The following UNC13C variants were observed in gnomAD, a reference collection of about 807,000 sequenced individuals.
UNC13C encodes the protein unc-13 homolog C.
UNC13C carries 174 observed loss-of-function variants against 245.4 expected under a neutral mutation model. The ratio of observed to expected loss-of-function variants is 0.71; its 90% confidence interval spans 0.63 to 0.80. The LOEUF (loss-of-function observed/expected upper bound fraction) is 0.80, where lower values mean the gene tolerates loss of function less well. UNC13C is among the 30% of genes least tolerant of loss of function. The pLI is 0.00. For synonymous variants in UNC13C, 992 were observed against 895.1 expected (o/e 1.11, Z -1.93); for missense variants, 2,829 against 2,602.9 (o/e 1.09, Z -1.89).
At chr15:53,851,314 A>G in the UNC13C span, among the ~76,000 whole-genome samples, 1 of 152,094 alleles carries the variant, frequency 6.6e-6, no homozygotes, top group South Asian at 2.1e-4. Flanking sequence ...AGTGAGGTTA[A>G]CTCATTATCA....
chr15:53,867,230 T>C, the UNC13C span, among the ~76,000 whole-genome samples: 2 of 151,816 alleles, frequency 1.3e-5, no homozygotes, highest in African/African-American at 2.4e-5. Flanking sequence ...ATACTGGAGG[T>C]CAAGGAATAC....
chr15:54,596,154 C>T (rs1899070311), intron 30 of UNC13C, among the ~76,000 whole-genome samples: 1 of 152,070 alleles, frequency 6.6e-6, no homozygotes, highest in Non-Finnish European at 1.5e-5. Flanking sequence ...AGGTTCAAAC[C>T]AGAAATGTGT....
intron 26 of UNC13C, among the ~76,000 whole-genome samples, chr15:54,543,284 A>G (rs1211616293): frequency 6.6e-6 from 1 of 152,150 alleles, no homozygotes; most frequent in East Asian, 1.9e-4. Context: ...AATCTCTGGG[A>G]CACAGCTAAA....
At chr15:54,455,485 A>G (rs770785513) in intron 19 of UNC13C, among the ~76,000 whole-genome samples, 2 of 149,716 alleles carry the variant, frequency 1.3e-5, no homozygotes, top group Non-Finnish European at 3.0e-5. Context: ...CTAGCAGTGT[A>G]AAAGTGTTCC....
intron 1 of UNC13C, among the ~76,000 whole-genome samples, chr15:53,980,614 T>A (rs1893888483): frequency 6.6e-6 from 1 of 152,306 alleles, no homozygotes; most frequent in African/African-American, 2.4e-5. Flanking sequence ...GAATTGCCAA[T>A]GTTTTTTCAG....
downstream of UNC13C, chr15:54,632,773 C>T (rs1901478869): frequency 6.6e-6 from 1 of 152,224 alleles, no homozygotes; most frequent in Non-Finnish European, 1.5e-5. Flanking sequence ...GTAGCAATTA[C>T]TGTAGCTTTA....
intron 2 of UNC13C, among the ~76,000 whole-genome samples, chr15:54,075,086 C>G (rs1027592858): frequency 6.6e-6 from 1 of 152,152 alleles, no homozygotes; most frequent in African/African-American, 2.4e-5. Context: ...ATTTCTATAT[C>G]TGTAAAATAT....
Position 54,432,347 on chromosome 15 carries a change from TA to T in UNC13C, c.4933+17282del, listed in dbSNP as rs147546786. ...TCAGGTGATTCAGAAAAGCGTTCCA[TA>T]AGGAAGTGATTTTTGTGCCAAGATT... On this transcript the variant is annotated intron_variant, in intron 19 of 32. Coordinates refer to ENST00000260323, the MANE Select transcript of UNC13C (RefSeq NM_001080534.3). Among the ~76,000 whole-genome samples the T allele has an allele frequency of 3.5e-3, 537 of 151,584 alleles. 3 individuals are homozygous for T. Among genetic ancestry groups the T allele is most frequent in the African/African-American group, 0.013 (522 of 41,380 alleles).
intron 4 of UNC13C, among the ~76,000 whole-genome samples, chr15:54,146,580 G>A (rs1333473994): frequency 6.6e-6 from 1 of 152,226 alleles, no homozygotes; most frequent in African/African-American, 2.4e-5. Context: ...GGAAAAACTG[G>A]AAGAGGGACA....
intron 10 of UNC13C, among the ~76,000 whole-genome samples, chr15:54,279,006 C>G (rs1159131725): frequency 6.6e-6 from 1 of 152,124 alleles, no homozygotes; most frequent in Non-Finnish European, 1.5e-5. Flanking sequence ...AAACAGGTGT[C>G]TGGTAAATTT....
chr15:54,612,449 A>G (rs1329775360), intron 30 of UNC13C, among the ~76,000 whole-genome samples: 2 of 151,962 alleles, frequency 1.3e-5, no homozygotes, highest in Non-Finnish European at 2.9e-5. Context: ...GTTACAAAAC[A>G]TTTTCCCAGT....
At chr15:54,185,588 T>A (rs925403373) in intron 4 of UNC13C, among the ~76,000 whole-genome samples, 4 of 149,402 alleles carry the variant, frequency 2.7e-5, no homozygotes, top group African/African-American at 7.6e-5. Context: ...TGTAGATATG[T>A]GGCATTATTT....
At chr15:54,029,068 C>T (rs1239525429) in intron 2 of UNC13C, among the ~76,000 whole-genome samples, 5 of 152,164 alleles carry the variant, frequency 3.3e-5, no homozygotes, top group Admixed American at 3.3e-4. Context: ...CCTTCCTAAA[C>T]ATTTCTTAAC....
At chr15:54,607,424 C>T (rs762123484) in intron 30 of UNC13C, among the ~76,000 whole-genome samples, 5 of 152,144 alleles carry the variant, frequency 3.3e-5, no homozygotes, top group Admixed American at 3.3e-4. Context: ...ATTATTAATC[C>T]TATCTTCTAC....
At chr15:54,173,819 GCATT>G (rs1400552157) in intron 4 of UNC13C, among the ~76,000 whole-genome samples, 1 of 152,048 alleles carries the variant, frequency 6.6e-6, no homozygotes, top group East Asian at 1.9e-4. Flanking sequence ...CAGGCTTTTA[GCATT>G]CGTGAACTAT....
chr15:54,198,977 C>T (rs2034442041), intron 4 of UNC13C, among the ~76,000 whole-genome samples: 1 of 151,626 alleles, frequency 6.6e-6, no homozygotes, highest in African/African-American at 2.4e-5. Context: ...TTTAGTGAAA[C>T]AAAAAGCATA....
chr15:54,068,807 T>C (rs1898187130), intron 2 of UNC13C, among the ~76,000 whole-genome samples: 1 of 152,206 alleles, frequency 6.6e-6, no homozygotes, highest in Non-Finnish European at 1.5e-5. Context: ...AACTTTTCTT[T>C]TTCCTCTTAA....
Position 54,143,018 on chromosome 15 carries a change from A to T in UNC13C, c.2984A>T (p.Asp995Val), listed in dbSNP as rs977562715. 1.9e-6 allele frequency: 3 copies of T among 1,611,962 alleles called. No individual in the cohort carries two copies. The highest frequency in any genetic ancestry group is 2.5e-6 in the Non-Finnish European group (3 of 1,179,106). Residue 995 changes from aspartate to valine, a missense_variant and splice_region_variant, in exon 3 of 33, where the codon GAT becomes GTT. By Grantham distance (152) the Asp-to-Val change is radical. Transcript: ENST00000260323. ...AELEEKILAG[D>V]SSSVDEKARI... ...CCTTCTTTTCCTGATTCTCTTTCAG[A>T]TAGCAGTTCTGTGGATGAAAAGGTT... is the stretch of plus-strand genomic sequence containing the variant.
At chr15:54,469,656 A>G (rs1024647044) in intron 19 of UNC13C, among the ~76,000 whole-genome samples, 1 of 151,624 alleles carries the variant, frequency 6.6e-6, no homozygotes, top group Non-Finnish European at 1.5e-5. Context: ...ATGTGGGTTC[A>G]GGGTAGTACT....
Sources: allele counts gnomAD v4.1 joint callset (sites outside exome capture counted in the v4.1 genomes callset), GRCh38; gene constraint gnomAD v4.1.1; transcripts MANE v1.5; gene names NCBI Gene and HGNC (gene_info 2026-07-23, HGNC 2026-07-21).